ANO8: variants seen among roughly 807,000 people sequenced by gnomAD.
ANO8 encodes anoctamin-8.
ANO8 carries 67 observed loss-of-function variants against 120.4 expected under a neutral mutation model. That is an observed-to-expected ratio of 0.56 (90% confidence interval 0.46 to 0.68). The LOEUF (loss-of-function observed/expected upper bound fraction) is 0.68, where lower values mean the gene tolerates loss of function less well. Ranked by LOEUF, ANO8 falls within the 30% of genes least tolerant of loss-of-function variation. ANO8 has a pLI of 0.00. For synonymous variants in ANO8, 727 were observed against 759.2 expected, an observed-to-expected ratio of 0.96 and a Z score of 0.70; for missense variants, 1,526 against 1,737.6, an observed-to-expected ratio of 0.88 and a Z score of 2.16.
intron 16 of ANO8, among the ~76,000 whole-genome samples, chr19:17,326,807 G>A (rs2074276155): frequency 6.6e-6 from 1 of 152,204 alleles, no homozygotes; most frequent in Non-Finnish European, 1.5e-5. Flanking sequence ...CTGTGTCCCT[G>A]GCCCCCTAAC....
chr19:17,323,916 A>T lies in ANO8; in HGVS notation c.3332-32T>A, dbSNP rs1055901822. 1.6e-4 allele frequency: 180 copies of T among 1,108,778 alleles called. No individual in the cohort carries two copies. In the African/African-American group the frequency reaches 2.8e-3, roughly 17 times the overall value. 68.7% of individuals were successfully genotyped at this position (1,108,778 alleles called of 1,614,324 possible). ...AGGCGAGAGGGGCCGTTCCGGGGGG[A>T]TGCCGCCCCCGCCGGACCCCGCCGG... On this transcript the variant is annotated intron_variant, in intron 17 of 17. Coordinates refer to ENST00000159087, the MANE Select transcript of ANO8 (RefSeq NM_020959.3).
In ANO8 at chr19:17,323,325, G is replaced by GTGTGTGTGTA; in HGVS notation, c.*191_*192insTACACACACA. ...AATCGCCTGTTCTGTGTGTGTGTGT[G>GTGTGTGTGTA]TGTGTGTGTGTGTGTGTGTTTTCTG... is the stretch of plus-strand genomic sequence containing the variant. On this transcript the variant is annotated 3_prime_UTR_variant, in exon 18 of 18. Coordinates refer to ENST00000159087, the MANE Select transcript of ANO8 (RefSeq NM_020959.3). The GTGTGTGTGTA allele has an allele frequency of 2.8e-6, 1 of 359,196 alleles. No individual in the cohort carries two copies. The highest frequency in any genetic ancestry group is 4.9e-6 in the Non-Finnish European group (1 of 203,746). The allele number at this position is 359,196 out of a possible 1,614,324, so 22.3% of individuals were successfully genotyped here.
chr19:17,328,115 G>C, intron 13 of ANO8, 47 bp downstream of exon 13: 2 of 1,476,074 alleles, frequency 1.4e-6, no homozygotes, highest in South Asian at 1.3e-5. Flanking sequence ...GGTGTGTCCC[G>C]TCCCCGGCGA....
Position 17,328,155 on chromosome 19 carries a change from T to TGCGAGGCCC in ANO8, c.2226+6_2226+7insGGGCCTCGC. On this transcript the variant is annotated splice_region_variant and intron_variant, in intron 13 of 17. Coordinates refer to ENST00000159087, the MANE Select transcript of ANO8 (RefSeq NM_020959.3). ...CCGCCCCCTGCGAGGCCCCGCCCCC[T>TGCGAGGCCC]CCTCACCTCGTACTTCTTCATACAG... is the stretch of plus-strand genomic sequence containing the variant. 1.5e-6 allele frequency: 2 copies of TGCGAGGCCC among 1,304,948 alleles called. No individual in the cohort carries two copies. Among genetic ancestry groups the TGCGAGGCCC allele is most frequent in the Admixed American group, 2.2e-5 (1 of 45,634 alleles). 80.8% of individuals were successfully genotyped at this position (1,304,948 alleles called of 1,614,324 possible). A position where few individuals can be genotyped will look rare whatever the true frequency, so the allele number is the denominator to read the frequency against.
rs745985520 is a variant in ANO8, at chr19:17,325,335, G to C, written c.2713C>G (p.Arg905Gly). ...HRYQQQQRRR[R>G]EEEERQRHAE... ...TGGCGCTGTCGCTCCTCCTCCTCCCGCCGCCTGCGCTGCTGCTGCTGGTAG... is the reference window on the plus strand; with the variant it reads ...TGGCGCTGTCGCTCCTCCTCCTCCCCCCGCCTGCGCTGCTGCTGCTGGTAG... The change falls in exon 17 of 18, where the codon CGG becomes GGG. Residue 905 changes from arginine to glycine, a missense_variant. Arg to Gly is a moderately radical substitution (Grantham distance 125). This residue lies in a region of ANO8 where 489 missense variants were observed against 548.6 expected (regional missense o/e 0.89). Coordinates refer to ENST00000159087, the MANE Select transcript of ANO8 (RefSeq NM_020959.3). 1 of 1,601,732 alleles carries C rather than the reference G, an allele frequency of 6.2e-7. No homozygotes were observed. Among genetic ancestry groups the C allele is most frequent in the Non-Finnish European group, 8.5e-7 (1 of 1,178,794 alleles).
rs139815862 is a variant in ANO8, at chr19:17,328,224, C to T, written c.2164G>A (p.Glu722Lys). 1.8e-5 allele frequency: 29 copies of T among 1,598,624 alleles called. No individual in the cohort carries two copies. In the African/African-American group the frequency reaches 3.8e-4, roughly 21 times the overall value. ...QNRSSWIDPP[E>K]EEHSPQLTQA... ...GTGAGCTGGGGCGAGTGTTCCTCCTCCGGCGGGTCAATCCAAGACGACCGG... is the reference window on the plus strand; with the variant it reads ...GTGAGCTGGGGCGAGTGTTCCTCCTTCGGCGGGTCAATCCAAGACGACCGG... Residue 722 changes from glutamate (E) to lysine (K), a missense_variant, in exon 13 of 18, where the codon GAG becomes AAG. Coordinates refer to ENST00000159087, the MANE Select transcript of ANO8 (RefSeq NM_020959.3).
In ANO8 at chr19:17,330,969, G is replaced by A. The variant is rs1399155151; in HGVS notation, c.852C>T (p.Cys284=). ...EADQTSRDVS[C]VVFALFNVIW... ...TCACGTTGAAGAGGGCAAAGACCAC[G>A]CAGGAAACATCCCGGCTTGTCTGTG... Residue 284 remains cysteine, a synonymous_variant, in exon 8 of 18, where the codon TGC becomes TGT. Coordinates refer to ENST00000159087, the MANE Select transcript of ANO8 (RefSeq NM_020959.3). The A allele has an allele frequency of 6.2e-7, 1 of 1,614,040 alleles. No homozygotes were observed. Among genetic ancestry groups the A allele is most frequent in the Non-Finnish European group, 8.5e-7 (1 of 1,180,036 alleles).
At chr19:17,323,939 C>T in intron 17 of ANO8, 55 bp from the exon 18 acceptor site, 4 of 1,096,904 alleles carry the variant, frequency 3.6e-6, no homozygotes, top group Non-Finnish European at 4.4e-6. Flanking sequence ...CGGACCCCGC[C>T]GGGCTGGCAA....
chr19:17,330,060 A>G (rs2074305347), intron 10 of ANO8, 46 bp from the exon 11 acceptor site: 1 of 1,613,712 alleles, frequency 6.2e-7, no homozygotes, highest in Admixed American at 1.7e-5. Context: ...GGTCCCCCCA[A>G]GGGTGGCAGG....
chr19:17,333,344 T>G lies in ANO8; in HGVS notation c.350+78A>C. On this transcript the variant is annotated intron_variant, in intron 3 of 17. Coordinates refer to ENST00000159087, the MANE Select transcript of ANO8 (RefSeq NM_020959.3). The surrounding 1 kb of genome is among the most constrained non-coding windows in gnomAD (Gnocchi z 7.2). ...GCCTTTGGGACAAACGCAGGGCGGC[T>G]GGATAGCATGGTTGGCACTTGGTAG... 1 of 1,608,042 alleles carries G rather than the reference T, an allele frequency of 6.2e-7. No homozygotes were observed. Among genetic ancestry groups the G allele is most frequent in the South Asian group, 1.1e-5 (1 of 90,938 alleles).
rs58263758 is a variant in ANO8 at position 17,323,311 on chromosome 19, C to CTGTGTGTGTGTG, written c.*194_*205dup. 4,856 of 326,952 alleles carry CTGTGTGTGTGTG rather than the reference C, an allele frequency of 0.015. 26 individuals are homozygous for CTGTGTGTGTGTG. Among genetic ancestry groups the CTGTGTGTGTGTG allele is most frequent in the Middle Eastern group, 0.023 (28 of 1,244 alleles). The allele number at this position is 326,952 out of a possible 1,614,324, so 20.3% of individuals were successfully genotyped here. A position where few individuals can be genotyped will look rare whatever the true frequency, so the allele number is the denominator to read the frequency against. On this transcript the variant is annotated 3_prime_UTR_variant, in exon 18 of 18. Transcript: ENST00000159087. ...AAAAACAAATAAATAATCGCCTGTT[C>CTGTGTGTGTGTG]TGTGTGTGTGTGTGTGTGTGTGTGT...
rs947486379 is a variant in ANO8 at position 17,328,756 on chromosome 19, C to T, written c.1632G>A (p.Arg544=). The T allele has an allele frequency of 7.3e-5, 97 of 1,325,756 alleles. No individual in the cohort carries two copies. The African/African-American group carries it at 1.3e-3, about 18-fold the overall frequency. 82.1% of individuals were successfully genotyped at this position (1,325,756 alleles called of 1,614,324 possible). A position where few individuals can be genotyped will look rare whatever the true frequency, so the allele number is the denominator to read the frequency against. ...GGGGSGGGGR[R]CLSGGCGAPE... ...GCGCCCCGCAGCCCCCGCTGAGGCA[C>T]CTGCGGCCCCCGCCCCCGCTGCCGC... Residue 544 remains arginine, a synonymous_variant, in exon 13 of 18, where the codon AGG becomes AGA. Transcript: ENST00000159087.
chr19:17,329,375 C>A (rs1459334566), intron 12 of ANO8: 2 of 355,550 alleles, frequency 5.6e-6, no homozygotes, highest in African/African-American at 4.3e-5. Flanking sequence ...CTGCCCACCC[C>A]GGCGAGGACC....
At chr19:17,325,982 C>T (rs1212258603) in intron 16 of ANO8, among the ~76,000 whole-genome samples, 1 of 152,186 alleles carries the variant, frequency 6.6e-6, no homozygotes, top group Non-Finnish European at 1.5e-5. Context: ...TGGGCCCACA[C>T]TGAGGTTCTC....
Position 17,328,781 on chromosome 19 carries a change from C to T in ANO8, c.1607G>A (p.Gly536Asp). The T allele has an allele frequency of 1.5e-6, 2 of 1,312,104 alleles. No homozygotes were observed. Among genetic ancestry groups the T allele is most frequent in the Non-Finnish European group, 1.9e-6 (2 of 1,038,184 alleles). 81.3% of individuals were successfully genotyped at this position (1,312,104 alleles called of 1,614,324 possible). The change falls in exon 13 of 18, where the codon GGC (glycine) becomes GAC (aspartate). Residue 536 changes from glycine (G) to aspartate (D), a missense_variant. Transcript: ENST00000159087. ...LEPQADEGGG[G>D]GSGGGGRRCL... is the part of the protein sequence containing the mutation. ...CCTGCGGCCCCCGCCCCCGCTGCCG[C>T]CGCCCCCGCCCTCATCCGCCTGGGG...
chr19:17,328,642 C>T lies in ANO8; in HGVS notation c.1746G>A (p.Glu582=), dbSNP rs554559748. The change falls in exon 13 of 18, where the codon GAG becomes GAA. Residue 582 remains glutamate (E), a synonymous_variant. Coordinates refer to ENST00000159087, the MANE Select transcript of ANO8 (RefSeq NM_020959.3). ...EEGDGPPGGK[E]EDEDDEEEED... is the part of the protein sequence containing the mutation. ...CCTCCTCCTCGTCGTCCTCGTCCTCCTCCTTGCCCCCTGGAGGCCCGTCCC... is the reference window on the plus strand; with the variant it reads ...CCTCCTCCTCGTCGTCCTCGTCCTCTTCCTTGCCCCCTGGAGGCCCGTCCC... 218 of 1,504,800 alleles carry T rather than the reference C, an allele frequency of 1.4e-4. No individual in the cohort carries two copies. The African/African-American group carries it at 2.9e-3, about 20-fold the overall frequency. 93.2% of individuals were successfully genotyped at this position (1,504,800 alleles called of 1,614,324 possible).
chr19:17,330,046 C>G (rs2074305115), intron 10 of ANO8, 32 bp from the exon 11 acceptor site: 2 of 1,613,836 alleles, frequency 1.2e-6, no homozygotes, highest in African/African-American at 2.7e-5. Flanking sequence ...GAGGGGGCAG[C>G]CGCGGTCCCC....
Position 17,327,784 on chromosome 19 carries a change from T to C in ANO8, c.2323A>G (p.Asn775Asp). 1 of 1,614,200 alleles carries C rather than the reference T, an allele frequency of 6.2e-7. No homozygotes were observed. Among genetic ancestry groups the C allele is most frequent in the African/African-American group, 1.3e-5 (1 of 75,066 alleles). The change falls in exon 14 of 18, where the codon AAC (asparagine) becomes GAC (aspartate). Residue 775 changes from asparagine to aspartate, a missense_variant. Asn to Asp is a conservative substitution (Grantham distance 23, BLOSUM62 1). Coordinates refer to ENST00000159087, the MANE Select transcript of ANO8 (RefSeq NM_020959.3). ...TCGCTGCGGATCTCAATGAGGTTGT[T>C]GACCAGGGCGCACAGCGCCGCCAGG... is the stretch of plus-strand genomic sequence containing the variant. Reference protein sequence around the residue: ...FPLAALCALVNNLIEIRSDAF... With the variant: ...FPLAALCALVDNLIEIRSDAF...
rs1376118736 is a variant in ANO8 at position 17,323,843 on chromosome 19, G to A, written c.3373C>T (p.Arg1125Cys). 6 of 1,127,148 alleles carry A rather than the reference G, an allele frequency of 5.3e-6. No individual in the cohort carries two copies. Among genetic ancestry groups the A allele is most frequent in the Non-Finnish European group, 3.3e-6 (3 of 920,864 alleles). The allele number at this position is 1,127,148 out of a possible 1,614,324, so 69.8% of individuals were successfully genotyped here. Residue 1125 changes from arginine (R) to cysteine (C), a missense_variant, in exon 18 of 18, where the codon CGC becomes TGC. Arg to Cys is a radical substitution (Grantham distance 180). Around this residue, in one of 8 missense-constraint regions of ANO8, gnomAD observed 489 missense variants for 548.6 expected, o/e 0.89. Transcript: ENST00000159087. ...APVGAPALRT[R>C]RSRSPAPPPP... is the part of the protein sequence containing the mutation. ...GGCGGCGCGGGGCTCCGGCTGCGGCGGGTGCGGAGGGCAGGGGCGCCCACG... is the reference window on the plus strand; with the variant it reads ...GGCGGCGCGGGGCTCCGGCTGCGGCAGGTGCGGAGGGCAGGGGCGCCCACG...
Sources: gnomAD v4.1 joint callset for allele counts (sites outside exome capture counted in the v4.1 genomes callset) on GRCh38, gnomAD v4.1.1 for gene constraint, gnomAD v4.1.1 regional missense constraint, Gnocchi (gnomAD v3.1) non-coding constraint, MANE v1.5 for transcripts, NCBI Gene and HGNC (gene_info 2026-07-23, HGNC 2026-07-21) for gene names.